Variants in STPG4 observed in about 807,000 individuals in gnomAD.
STPG4 encodes the protein sperm-tail PG-rich repeat containing 4.
Under a neutral mutation model 31.5 loss-of-function variants are expected in STPG4, and 41 were observed. That is an observed-to-expected ratio of 1.30 (90% confidence interval 1.01 to 1.69). The LOEUF is 1.69. STPG4 is among the 40% of genes most tolerant of loss of function. The probability of loss-of-function intolerance (pLI) is 0.00; values close to 1 mark genes in which losing one functional copy is unlikely to be tolerated. For synonymous variants in STPG4, 141 were observed against 103.0 expected, an observed-to-expected ratio of 1.37 and a Z score of -2.24; for missense variants, 375 against 293.4, an observed-to-expected ratio of 1.28 and a Z score of -2.03.
intron 5 of STPG4, among the ~76,000 whole-genome samples, chr2:47,105,346 A>G (rs888187111): frequency 6.6e-6 from 1 of 151,882 alleles, no homozygotes; most frequent in East Asian, 1.9e-4. Context: ...AATACAAGGA[A>G]AGGATCTCAC....
chr2:47,138,765 G>C (rs1007660235), intron 3 of STPG4, among the ~76,000 whole-genome samples: 1 of 152,206 alleles, frequency 6.6e-6, no homozygotes, highest in Admixed American at 6.5e-5. Context: ...GGCCAGGATA[G>C]TCTCGATCTC....
chr2:47,088,064 T>G (rs993525173), intron 6 of STPG4, among the ~76,000 whole-genome samples: 3 of 151,962 alleles, frequency 2.0e-5, no homozygotes, highest in Non-Finnish European at 2.9e-5. Context: ...GGGTTTTTTG[T>G]TTTTGTTTGT....
chr2:47,155,216 T>G lies in STPG4; in HGVS notation c.36A>C (p.Ser12=), dbSNP rs775687226. The G allele has an allele frequency of 6.2e-7, 1 of 1,614,120 alleles. No individual in the cohort carries two copies. ...DQPAVATAST[S]IREDLVGGES... ...CTCCACCCACCAGGTCTTCCCTTATTGAGGTGGAAGCGGTGGCGACGGCTG... is the reference window on the plus strand; with the variant it reads ...CTCCACCCACCAGGTCTTCCCTTATGGAGGTGGAAGCGGTGGCGACGGCTG... The change falls in exon 1 of 7, where the codon TCA becomes TCC. Residue 12 remains serine, a synonymous_variant. Coordinates refer to ENST00000445927, the MANE Select transcript of STPG4 (RefSeq NM_001163561.2).
At chr2:47,117,593 G>A (rs1279555152) in intron 5 of STPG4, among the ~76,000 whole-genome samples, 1 of 152,168 alleles carries the variant, frequency 6.6e-6, no homozygotes. Context: ...CACACACCTT[G>A]TGAATCACAG....
chr2:47,130,174 T>C, intron 4 of STPG4, 22 bp downstream of exon 4: 1 of 1,603,634 alleles, frequency 6.2e-7, no homozygotes, highest in Non-Finnish European at 8.5e-7. Context: ...AAAGGCAGCT[T>C]ATTTAATAAG....
At chr2:47,144,359 A>G (rs1369010538) in intron 3 of STPG4, among the ~76,000 whole-genome samples, 1 of 152,140 alleles carries the variant, frequency 6.6e-6, no homozygotes, top group Admixed American at 6.5e-5. Flanking sequence ...GGATATGTCC[A>G]TATACAAGAA....
intron 5 of STPG4, among the ~76,000 whole-genome samples, chr2:47,097,574 C>G (rs532691150): frequency 1.3e-5 from 2 of 152,300 alleles, no homozygotes; most frequent in East Asian, 3.9e-4. Context: ...GCTGCATCCT[C>G]TTATGGTGGA....
intron 5 of STPG4, among the ~76,000 whole-genome samples, chr2:47,125,376 G>C (rs1289671186): frequency 6.6e-6 from 1 of 152,112 alleles, no homozygotes; most frequent in South Asian, 2.1e-4. Flanking sequence ...AGCTGTGTTT[G>C]CATCACTGCA....
chr2:47,140,062 C>G (rs56082957), intron 3 of STPG4, among the ~76,000 whole-genome samples: 5 of 152,134 alleles, frequency 3.3e-5, no homozygotes, highest in Non-Finnish European at 5.9e-5. Context: ...GCGTGAGCCA[C>G]AGCACCCAGC....
intron 5 of STPG4, among the ~76,000 whole-genome samples, chr2:47,112,621 A>G (rs76745053): frequency 1.3e-5 from 2 of 152,250 alleles, no homozygotes; most frequent in East Asian, 1.9e-4. Context: ...GTGAATGTCT[A>G]TAGGTATCTA....
At position 47,114,033 on chromosome 2, in the gene STPG4, A is replaced by C. The variant is rs553411602; in HGVS notation, c.519+15908T>G. ...GACAAAGTGAGACTTGTCTCAAAAA[A>C]AAAAACAAAAACAAAAACAAAAGTG... On this transcript the variant is annotated intron_variant, in intron 5 of 6. Coordinates refer to ENST00000445927, the MANE Select transcript of STPG4 (RefSeq NM_001163561.2). 2.1e-4 allele frequency among the ~76,000 whole-genome samples: 32 copies of C among 150,886 alleles called. 1 individual carries two copies. The highest frequency in any genetic ancestry group is 1.7e-3 in the South Asian group (8 of 4,794).
At chr2:47,093,954 C>T (rs1278426475) in intron 5 of STPG4, among the ~76,000 whole-genome samples, 4 of 152,250 alleles carry the variant, frequency 2.6e-5, no homozygotes, top group Non-Finnish European at 4.4e-5. Context: ...CATCCGAGGA[C>T]GGCTTGAGTG....
intron 5 of STPG4, among the ~76,000 whole-genome samples, chr2:47,111,687 C>T (rs1337174723): frequency 9.9e-5 from 15 of 151,988 alleles, no homozygotes; most frequent in Admixed American, 9.2e-4. Flanking sequence ...AAAAATGGCC[C>T]TTTTTACTTA....
chr2:47,103,369 C>T (rs540660488), intron 5 of STPG4, among the ~76,000 whole-genome samples: 31 of 151,952 alleles, frequency 2.0e-4, no homozygotes, highest in African/African-American at 6.1e-4. Context: ...CCCAATCAGC[C>T]GCAGATATCA....
intron 1 of STPG4, 33 bp from the exon 2 acceptor site, chr2:47,153,049 TGA>T (rs1225205264): frequency 5.2e-6 from 8 of 1,529,400 alleles, no homozygotes; most frequent in Non-Finnish European, 3.6e-6. Context: ...CTTATTCATT[TGA>T]GAGGTGATCC....
intron 5 of STPG4, among the ~76,000 whole-genome samples, chr2:47,095,046 G>A (rs11886377): frequency 0.011 from 1,622 of 152,296 alleles, 27 homozygotes; most frequent in African/African-American, 0.037. Flanking sequence ...CCTAGAGAAC[G>A]TGAGAGTAGA....
intron 2 of STPG4, among the ~76,000 whole-genome samples, chr2:47,152,428 A>C (rs115742753): frequency 6.6e-6 from 1 of 152,178 alleles, no homozygotes; most frequent in African/African-American, 2.4e-5. Context: ...AATTACTGCA[A>C]TTCCAAGAAG....
chr2:47,121,039 T>G (rs1007028612), intron 5 of STPG4: 9 of 153,400 alleles, frequency 5.9e-5, no homozygotes, highest in African/African-American at 2.2e-4. Context: ...GGCAGAAGCG[T>G]AAATCCTTGC....
chr2:47,092,906 C>T (rs1187224803), intron 5 of STPG4, among the ~76,000 whole-genome samples: 2 of 152,110 alleles, frequency 1.3e-5, no homozygotes, highest in Admixed American at 6.5e-5. Context: ...GATTCTTCTG[C>T]ATCAGCCTCT....
Sources: gnomAD v4.1 joint callset for allele counts (sites outside exome capture counted in the v4.1 genomes callset) on GRCh38, gnomAD v4.1.1 for gene constraint, MANE v1.5 for transcripts, NCBI Gene and HGNC (gene_info 2026-07-23, HGNC 2026-07-21) for gene names.